LHFPL3: variants seen among roughly 807,000 people sequenced by gnomAD.
LHFPL3 encodes the protein LHFPL tetraspan subfamily member 3 protein.
Under a neutral mutation model 19.3 loss-of-function variants are expected in LHFPL3, and 5 were observed. That is an observed-to-expected ratio of 0.26 (90% CI 0.14 to 0.54). LHFPL3 has a LOEUF of 0.54. Ranked by LOEUF, LHFPL3 falls within the 20% of genes least tolerant of loss-of-function variation. LHFPL3 has a pLI of 0.94. For missense variants in LHFPL3, 249 were observed against 307.4 expected (o/e 0.81, Z 1.42); for synonymous variants, 133 against 126.2 (o/e 1.05, Z -0.36).
chr7:104,827,031 G>C (rs1790837010), intron 2 of LHFPL3, among the ~76,000 whole-genome samples: 1 of 151,526 alleles, frequency 6.6e-6, no homozygotes. Context: ...AGTGATGTAT[G>C]GGGGACCCCA....
At chr7:104,394,545 G>T (rs796673821) in intron 1 of LHFPL3, among the ~76,000 whole-genome samples, 1 of 152,042 alleles carries the variant, frequency 6.6e-6, no homozygotes, top group Non-Finnish European at 1.5e-5. Flanking sequence ...TAGTTTTCTT[G>T]CCTACATTTC....
intron 1 of LHFPL3, among the ~76,000 whole-genome samples, chr7:104,468,118 A>G (rs1383170026): frequency 6.6e-6 from 1 of 152,234 alleles, no homozygotes; most frequent in East Asian, 1.9e-4. Context: ...TATTGATTTC[A>G]ATATCAAACT....
intron 1 of LHFPL3, among the ~76,000 whole-genome samples, chr7:104,704,098 T>G (rs1350268814): frequency 6.6e-6 from 1 of 152,230 alleles, no homozygotes; most frequent in Non-Finnish European, 1.5e-5. Context: ...TGATTTAGAC[T>G]AATCCTTATC....
chr7:104,870,702 G>A (rs953947078), intron 2 of LHFPL3, among the ~76,000 whole-genome samples: 4 of 152,160 alleles, frequency 2.6e-5, no homozygotes, highest in African/African-American at 9.7e-5. Flanking sequence ...GAAGAAAGAA[G>A]CCCTGGGAAG....
In LHFPL3 at chr7:104,882,899, C is replaced by T. The variant is rs147292904; in HGVS notation, c.683-23288C>T. On this transcript the variant is annotated intron_variant, in intron 2 of 2. Coordinates refer to ENST00000424859, the MANE Select transcript of LHFPL3 (RefSeq NM_199000.3). Reference sequence around the variant, plus strand: ...GGTATGATTTATATTGTAGTTAAGGCGACTGGCTGCCTCATTTGCCTGGGA... The same window carrying T: ...GGTATGATTTATATTGTAGTTAAGGTGACTGGCTGCCTCATTTGCCTGGGA... 6.6e-5 allele frequency among the ~76,000 whole-genome samples: 10 copies of T among 152,276 alleles called. No homozygotes were observed. In the East Asian group the frequency reaches 1.2e-3, roughly 18 times the overall value.
chr7:104,727,161 C>CT (rs1294606598), intron 1 of LHFPL3, among the ~76,000 whole-genome samples: 1 of 152,156 alleles, frequency 6.6e-6, no homozygotes, highest in Admixed American at 6.5e-5. Flanking sequence ...CCTTTGCCCA[C>CT]TTTTTAATTG....
chr7:104,360,236 C>G (rs944561613), intron 1 of LHFPL3, among the ~76,000 whole-genome samples: 7 of 152,200 alleles, frequency 4.6e-5, no homozygotes, highest in African/African-American at 1.4e-4. Flanking sequence ...CTCCTCTTCT[C>G]TCCAAAAACA....
In LHFPL3 at chr7:104,663,474, C is replaced by A. The variant is rs117189431; in HGVS notation, c.446-73201C>A. Reference sequence around the variant, plus strand: ...CAGCTTCAGGAGGAGCCATGGTTCACTCATCCCTCATTGAGCATTGATCCA... The same window carrying A: ...CAGCTTCAGGAGGAGCCATGGTTCAATCATCCCTCATTGAGCATTGATCCA... On this transcript the variant is annotated intron_variant, in intron 1 of 2. Coordinates refer to ENST00000424859, the MANE Select transcript of LHFPL3 (RefSeq NM_199000.3). Among the ~76,000 whole-genome samples the A allele has an allele frequency of 5.2e-3, 786 of 152,304 alleles. 45 individuals carry two copies. The East Asian group carries it at 0.11, about 22-fold the overall frequency.
chr7:104,443,309 T>C (rs550760020), intron 1 of LHFPL3, among the ~76,000 whole-genome samples: 2 of 152,234 alleles, frequency 1.3e-5, no homozygotes, highest in South Asian at 4.2e-4. Flanking sequence ...GGATGGCACA[T>C]TTGGAAAGAA....
intron 1 of LHFPL3, among the ~76,000 whole-genome samples, chr7:104,540,444 T>TCCTGTAC: frequency 6.6e-6 from 1 of 152,194 alleles, no homozygotes; most frequent in African/African-American, 2.4e-5. Flanking sequence ...GTACAGGCCA[T>TCCTGTAC]CCTATAATGC....
intron 1 of LHFPL3, among the ~76,000 whole-genome samples, chr7:104,517,646 A>G (rs941537202): frequency 1.3e-5 from 2 of 151,498 alleles, no homozygotes; most frequent in Non-Finnish European, 2.9e-5. Context: ...AATTGGGCTT[A>G]CAGGCGCCCA....
chr7:104,343,728 C>CGTGTGT (rs10687589), intron 1 of LHFPL3, among the ~76,000 whole-genome samples: 7,449 of 148,788 alleles, frequency 0.05, 532 homozygotes, highest in African/African-American at 0.16. Context: ...GTATGGCTTG[C>CGTGTGT]GTGTGTGTGT....
At chr7:104,486,594 A>G (rs1793241425) in intron 1 of LHFPL3, among the ~76,000 whole-genome samples, 1 of 152,132 alleles carries the variant, frequency 6.6e-6, no homozygotes, top group South Asian at 2.1e-4. Context: ...CCTACCTCCT[A>G]ATACCATAAC....
intron 1 of LHFPL3, among the ~76,000 whole-genome samples, chr7:104,464,575 C>T (rs756465337): frequency 7.2e-5 from 11 of 152,364 alleles, no homozygotes; most frequent in South Asian, 2.1e-4. Flanking sequence ...GATTCCCAAA[C>T]CTCAATTCTT....
intron 1 of LHFPL3, among the ~76,000 whole-genome samples, chr7:104,707,139 C>T (rs909671526): frequency 5.3e-5 from 8 of 152,188 alleles, no homozygotes; most frequent in African/African-American, 1.2e-4. Flanking sequence ...ACCCAATATA[C>T]GAATGTGTCT....
At position 104,875,005 on chromosome 7, in the gene LHFPL3, C is replaced by A. The variant is rs1006132648; in HGVS notation, c.683-31182C>A. On this transcript the variant is annotated intron_variant, in intron 2 of 2. Coordinates refer to ENST00000424859, the MANE Select transcript of LHFPL3 (RefSeq NM_199000.3). Reference sequence around the variant, plus strand: ...AGGACTACAGGTGTACACTGCCACACCTGGGGAATGTATTTTTTTTTTTAG... The same window carrying A: ...AGGACTACAGGTGTACACTGCCACAACTGGGGAATGTATTTTTTTTTTTAG... Among the ~76,000 whole-genome samples, 6 of 150,490 alleles carry A rather than the reference C, an allele frequency of 4.0e-5. No homozygotes were observed. In the East Asian group the frequency reaches 1.3e-3, roughly 32 times the overall value.
chr7:104,330,241 A>G (rs931135460), intron 1 of LHFPL3, among the ~76,000 whole-genome samples: 5 of 152,194 alleles, frequency 3.3e-5, no homozygotes, highest in South Asian at 2.1e-4. Context: ...TCAAGGGTCC[A>G]GTGGTCGTGA....
At chr7:104,402,644 G>A (rs1042340545) in intron 1 of LHFPL3, among the ~76,000 whole-genome samples, 8 of 152,266 alleles carry the variant, frequency 5.3e-5, no homozygotes, top group South Asian at 2.1e-4. Flanking sequence ...GGGAGAGGTG[G>A]GGTGACCCAA....
At chr7:104,562,050 C>A (rs1562935283) in intron 1 of LHFPL3, among the ~76,000 whole-genome samples, 1 of 151,980 alleles carries the variant, frequency 6.6e-6, no homozygotes, top group Non-Finnish European at 1.5e-5. Flanking sequence ...GCTGAGAGAT[C>A]CGCTGTTAGT....
Sources: gnomAD v4.1 joint callset for allele counts (sites outside exome capture counted in the v4.1 genomes callset) on GRCh38, gnomAD v4.1.1 for gene constraint, MANE v1.5 for transcripts, NCBI Gene and HGNC (gene_info 2026-07-23, HGNC 2026-07-21) for gene names.